CLVS1: variants seen among roughly 807,000 people sequenced by gnomAD.
CLVS1 encodes the protein clavesin-1.
CLVS1 carries 10 observed loss-of-function variants against 33.1 expected under a neutral mutation model. That is an observed-to-expected ratio of 0.30 (90% confidence interval 0.19 to 0.51). CLVS1 has a LOEUF of 0.51. Among genes scored for constraint, CLVS1 ranks in the 20% least tolerant of loss-of-function variants. The pLI is 0.97. For synonymous variants in CLVS1, 163 were observed against 166.1 expected (o/e 0.98, Z 0.14); for missense variants, 343 against 433.4 (o/e 0.79, Z 1.85).
the CLVS1 span, among the ~76,000 whole-genome samples, chr8:61,024,856 C>CT: frequency 1.4e-3 from 202 of 142,990 alleles, no homozygotes; most frequent in Middle Eastern, 3.7e-3. Context: ...TTTTTTCTTT[C>CT]TTTTTTTTTT....
intron 2 of CLVS1, among the ~76,000 whole-genome samples, chr8:61,162,437 T>C (rs564022474): frequency 4.6e-5 from 7 of 152,338 alleles, no homozygotes; most frequent in Non-Finnish European, 7.3e-5. Context: ...CTCTTGCTCC[T>C]TTGGAATCTG....
the CLVS1 span, among the ~76,000 whole-genome samples, chr8:61,033,606 C>T: frequency 2.0e-5 from 3 of 152,172 alleles, no homozygotes; most frequent in Admixed American, 2.0e-4. Flanking sequence ...GGACTTGTGC[C>T]ACTCCCGGGG....
intron 5 of CLVS1, among the ~76,000 whole-genome samples, chr8:61,488,177 A>G (rs1253416502): frequency 1.3e-5 from 2 of 152,224 alleles, no homozygotes; most frequent in Admixed American, 6.5e-5. Flanking sequence ...CCTTCTGACC[A>G]TCTCAGAACA....
rs192267847 is a variant in CLVS1, at chr8:61,298,863, G to A, written c.-151-814G>A. 2.1e-4 allele frequency among the ~76,000 whole-genome samples: 32 copies of A among 152,268 alleles called. No homozygotes were observed. In the East Asian group the frequency reaches 5.8e-3, roughly 28 times the overall value. ...AAATATCATTATCATAAGTAAAACAGCATCTTAGGAAAACAGGCAGGTTAT... is the reference window on the plus strand; with the variant it reads ...AAATATCATTATCATAAGTAAAACAACATCTTAGGAAAACAGGCAGGTTAT... On this transcript the variant is annotated intron_variant, in intron 1 of 5. Coordinates refer to ENST00000325897, the MANE Select transcript of CLVS1 (RefSeq NM_173519.3).
At chr8:61,016,689 A>G in the CLVS1 span, among the ~76,000 whole-genome samples, 2 of 152,182 alleles carry the variant, frequency 1.3e-5, no homozygotes, top group Admixed American at 6.5e-5. Flanking sequence ...AAGCTGCGTA[A>G]ATGTGTGTGT....
chr8:61,301,348 C>T (rs557027242), intron 2 of CLVS1, among the ~76,000 whole-genome samples: 1 of 152,212 alleles, frequency 6.6e-6, no homozygotes, highest in East Asian at 1.9e-4. Flanking sequence ...GACAGCCATC[C>T]CCTATCCCAA....
chr8:61,134,898 G>A (rs1448387657), intron 2 of CLVS1, among the ~76,000 whole-genome samples: 5 of 151,988 alleles, frequency 3.3e-5, no homozygotes, highest in Admixed American at 2.6e-4. Flanking sequence ...CTGGGGGGGT[G>A]GGTAGTTTTA....
chr8:61,278,801 G>T (rs1809613456), intron 2 of CLVS1, among the ~76,000 whole-genome samples: 2 of 152,194 alleles, frequency 1.3e-5, no homozygotes, highest in Admixed American at 1.3e-4. Context: ...GTTTATCTTG[G>T]AATCACTGAG....
intron 1 of CLVS1, among the ~76,000 whole-genome samples, chr8:61,095,524 G>A (rs1360311309): frequency 6.6e-6 from 1 of 152,208 alleles, no homozygotes; most frequent in African/African-American, 2.4e-5. Context: ...TGAGCGGGAA[G>A]GGTGCCTGCA....
chr8:61,256,170 T>G (rs956711581), intron 2 of CLVS1, among the ~76,000 whole-genome samples: 2 of 152,168 alleles, frequency 1.3e-5, no homozygotes, highest in Non-Finnish European at 2.9e-5. Context: ...TCTTTCTGTA[T>G]GAATTTGACT....
intron 3 of CLVS1, among the ~76,000 whole-genome samples, chr8:61,403,758 T>G (rs995536759): frequency 3.3e-5 from 5 of 152,146 alleles, no homozygotes; most frequent in Non-Finnish European, 7.3e-5. Context: ...ACATTAAATA[T>G]TCCAAGTGGA....
intron 3 of CLVS1, among the ~76,000 whole-genome samples, chr8:61,452,592 G>A (rs1168252519): frequency 6.6e-6 from 1 of 151,800 alleles, no homozygotes; most frequent in East Asian, 1.9e-4. Flanking sequence ...TATACCTGGA[G>A]GAAAAAAGAT....
At chr8:61,016,865 G>C in the CLVS1 span, among the ~76,000 whole-genome samples, 1 of 152,154 alleles carries the variant, frequency 6.6e-6, no homozygotes, top group South Asian at 2.1e-4. Flanking sequence ...CTGGAAAGAG[G>C]GGTACTGTTT....
the CLVS1 span, among the ~76,000 whole-genome samples, chr8:61,037,685 A>G: frequency 1.8e-4 from 28 of 152,332 alleles, no homozygotes; most frequent in African/African-American, 6.3e-4. Flanking sequence ...CAAGATTTCA[A>G]TTTTATAGAG....
the CLVS1 span, among the ~76,000 whole-genome samples, chr8:61,034,355 C>T: frequency 7.3e-6 from 1 of 136,472 alleles, no homozygotes; most frequent in African/African-American, 2.7e-5. Context: ...ATGTCCATCA[C>T]CTCAAATACT....
chr8:61,430,528 G>A (rs957071716), intron 3 of CLVS1, among the ~76,000 whole-genome samples: 6 of 152,118 alleles, frequency 3.9e-5, no homozygotes, highest in African/African-American at 1.4e-4. Context: ...AATCTAGGCA[G>A]TGAAAAGCAA....
chr8:61,209,777 C>A (rs1285868253), intron 2 of CLVS1, among the ~76,000 whole-genome samples: 1 of 152,148 alleles, frequency 6.6e-6, no homozygotes, highest in African/African-American at 2.4e-5. Flanking sequence ...ATTTCAAGGT[C>A]AGTGTGGTAG....
chr8:61,041,927 C>T, the CLVS1 span, among the ~76,000 whole-genome samples: 1 of 152,126 alleles, frequency 6.6e-6, no homozygotes, highest in East Asian at 1.9e-4. Flanking sequence ...GTCATCCATA[C>T]TGGGCTGCGG....
intron 2 of CLVS1, among the ~76,000 whole-genome samples, chr8:61,163,940 GC>G (rs1232569000): frequency 6.6e-6 from 1 of 152,178 alleles, no homozygotes; most frequent in Admixed American, 6.5e-5. Context: ...AGAGTGTGCA[GC>G]TGCAAGATTT....
Sources: gnomAD v4.1 joint callset for allele counts (sites outside exome capture counted in the v4.1 genomes callset) on GRCh38, gnomAD v4.1.1 for gene constraint, MANE v1.5 for transcripts, NCBI Gene and HGNC (gene_info 2026-07-23, HGNC 2026-07-21) for gene names.